GALNT3: variants seen among roughly 807,000 people sequenced by gnomAD.
The protein encoded by GALNT3 is polypeptide N-acetylgalactosaminyltransferase 3.
A neutral mutation model predicts 69.8 loss-of-function variants in GALNT3; 51 were observed. That is an observed-to-expected ratio of 0.73 (90% confidence interval 0.58 to 0.92). The LOEUF is 0.92. GALNT3 is among the 40% of genes least tolerant of loss of function. The probability of loss-of-function intolerance (pLI) is 0.00; values close to 1 mark genes in which losing one functional copy is unlikely to be tolerated. For synonymous variants in GALNT3, 265 were observed against 248.5 expected (o/e 1.07, Z -0.63); for missense variants, 711 against 760.0 (o/e 0.94, Z 0.76).
intron 1 of GALNT3, among the ~76,000 whole-genome samples, chr2:165,780,776 C>T (rs1683089120): frequency 2.0e-5 from 3 of 152,040 alleles, no homozygotes; most frequent in Admixed American, 2.0e-4. Flanking sequence ...CCAAAGAAGT[C>T]TGAGTCCCTG....
At chr2:165,794,569 C>G (rs1207975944), upstream of GALNT3, 1 of 152,402 alleles carries the variant, frequency 6.6e-6, no homozygotes, top group Non-Finnish European at 1.5e-5. Flanking sequence ...TTCCCCCACA[C>G]GGTTCCTCCC....
At chr2:165,781,494 G>T (rs1340194168) in intron 1 of GALNT3, among the ~76,000 whole-genome samples, 2 of 151,752 alleles carry the variant, frequency 1.3e-5, no homozygotes, top group Non-Finnish European at 2.9e-5. Flanking sequence ...TTACTCAAGA[G>T]GCTGAGGTAA....
At chr2:165,760,014 G>T (rs930197521) in intron 4 of GALNT3, among the ~76,000 whole-genome samples, 1 of 152,074 alleles carries the variant, frequency 6.6e-6, no homozygotes, top group Non-Finnish European at 1.5e-5. Context: ...GGTGAAAAAA[G>T]ATTCACTACA....
intron 1 of GALNT3, among the ~76,000 whole-genome samples, chr2:165,787,001 A>G (rs1003731838): frequency 5.3e-5 from 8 of 152,190 alleles, no homozygotes; most frequent in South Asian, 2.1e-4. Context: ...ACTAAAATCT[A>G]TTTTTAAAAA....
intron 4 of GALNT3, among the ~76,000 whole-genome samples, chr2:165,759,860 T>G (rs1573999989): frequency 6.6e-6 from 1 of 152,148 alleles, no homozygotes; most frequent in South Asian, 2.1e-4. Flanking sequence ...GAGCGGGTGG[T>G]AAGAACATCT....
rs1318947197 is a variant in GALNT3, at chr2:165,748,865, AAG to A, written c.1816_1817del (p.Leu606PhefsTer24). 6.2e-6 allele frequency: 10 copies of A among 1,611,342 alleles called. No homozygotes were observed. The highest frequency in any genetic ancestry group is 7.6e-6 in the Non-Finnish European group (9 of 1,178,268). ...AACTTGGATGCTCTCCATTTGCTGA[AAG>A]GCACATTTTTAAGAATGGATTGTAT... ...LLYNPFLKMC[L>X]SANGEHPSLV... On this transcript the variant is annotated frameshift_variant, in exon 11 of 11. Transcript: ENST00000392701. LOFTEE classifies it high-confidence loss of function.
chr2:165,787,000 T>A (rs1468307380), intron 1 of GALNT3, among the ~76,000 whole-genome samples: 1 of 152,232 alleles, frequency 6.6e-6, no homozygotes, highest in Non-Finnish European at 1.5e-5. Context: ...AACTAAAATC[T>A]ATTTTTAAAA....
intron 2 of GALNT3, 109 bp from the exon 3 acceptor site, chr2:165,765,165 A>G: frequency 1.0e-6 from 1 of 1,001,536 alleles, no homozygotes; most frequent in Non-Finnish European, 1.5e-6. Flanking sequence ...CTGAAAAAGG[A>G]TAGTTTTCTT....
intron 3 of GALNT3, among the ~76,000 whole-genome samples, chr2:165,763,878 C>A (rs985474448): frequency 1.3e-5 from 2 of 152,120 alleles, no homozygotes; most frequent in Non-Finnish European, 2.9e-5. Context: ...AGCTGTGTGA[C>A]CTTGGGCAAG....
At chr2:165,782,354 A>G (rs1314912477) in intron 1 of GALNT3, among the ~76,000 whole-genome samples, 1 of 151,116 alleles carries the variant, frequency 6.6e-6, no homozygotes, top group Non-Finnish European at 1.5e-5. Flanking sequence ...AAACACACTA[A>G]CACGATAGCT....
At chr2:165,754,830 C>A (rs1688417310) in intron 8 of GALNT3, 102 bp from the exon 9 acceptor site, 12 of 1,418,796 alleles carry the variant, frequency 8.5e-6, no homozygotes, top group Admixed American at 1.8e-5. Flanking sequence ...AATGTAAAAT[C>A]TCAAAAGCAA....
rs114072850 is a variant in GALNT3 at position 165,791,816 on chromosome 2, A to T, written c.-109+2199T>A. Among the ~76,000 whole-genome samples, 1,448 of 152,338 alleles carry T rather than the reference A, an allele frequency of 9.5e-3. 10 individuals carry two copies. The highest frequency in any genetic ancestry group is 0.021 in the African/African-American group (877 of 41,592). On this transcript the variant is annotated intron_variant, in intron 1 of 10. Transcript: ENST00000392701. ...AACTGACATGGCATCATCAATATGC[A>T]TGCTATTCCACAATGAGAGGAGCAT... is the stretch of plus-strand genomic sequence containing the variant.
intron 1 of GALNT3, among the ~76,000 whole-genome samples, chr2:165,791,721 A>G (rs1210013274): frequency 6.6e-6 from 1 of 152,198 alleles, no homozygotes; most frequent in African/African-American, 2.4e-5. Context: ...AGAAGACTAA[A>G]TAATGTTATC....
chr2:165,785,106 CAT>C (rs1683192328), intron 1 of GALNT3, among the ~76,000 whole-genome samples: 1 of 152,012 alleles, frequency 6.6e-6, no homozygotes, highest in Non-Finnish European at 1.5e-5. Context: ...CTAGAAATCC[CAT>C]AGATACGCTA....
At position 165,754,682 on chromosome 2, in the gene GALNT3, T is replaced by C; in HGVS notation, c.1571A>G (p.Asn524Ser). 5 of 1,613,716 alleles carry C rather than the reference T, an allele frequency of 3.1e-6. No individual in the cohort carries two copies. Among genetic ancestry groups the C allele is most frequent in the Non-Finnish European group, 4.2e-6 (5 of 1,179,814 alleles). The stretch of plus-strand genomic sequence containing the variant: ...CATAATTAATGGTTTGCCTCCTTGA[T>C]TGTTTTCTCCAACATCCAGACATAG... The part of the protein sequence containing the change: ...QPLCLDVGEN[N>S]QGGKPLIMYT... The change falls in exon 9 of 11, where the codon AAT (asparagine) becomes AGT (serine). Residue 524 changes from asparagine to serine, a missense_variant. Asn to Ser is a conservative substitution (Grantham distance 46, BLOSUM62 1). Transcript: ENST00000392701.
intron 7 of GALNT3, among the ~76,000 whole-genome samples, chr2:165,755,328 C>T (rs1040339521): frequency 1.3e-5 from 2 of 152,162 alleles, no homozygotes; most frequent in Admixed American, 6.5e-5. Context: ...GTGCCACAAA[C>T]ATTCCCTACA....
intron 1 of GALNT3, among the ~76,000 whole-genome samples, chr2:165,778,810 G>T (rs1222562700): frequency 6.6e-6 from 1 of 152,200 alleles, no homozygotes; most frequent in Non-Finnish European, 1.5e-5. Flanking sequence ...AATCACAGAG[G>T]TTGTCCCCTG....
chr2:165,764,905 C>T lies in GALNT3; in HGVS notation c.667G>A (p.Val223Met), dbSNP rs1688610771. The change falls in exon 3 of 11, where the codon GTG (valine) becomes ATG (methionine). Residue 223 changes from valine (V) to methionine (M), a missense_variant. By Grantham distance (21) the Val-to-Met change is conservative. Coordinates refer to ENST00000392701, the MANE Select transcript of GALNT3 (RefSeq NM_004482.4). ...PAILLKEIIL[V>M]DDASVDEYLH... The stretch of plus-strand genomic sequence containing the variant: ...TTACCATCTACACTAGCATCATCCA[C>T]CAAAATGATTTCCTTCAGCAGTATT... The T allele has an allele frequency of 1.2e-6, 2 of 1,614,192 alleles. No homozygotes were observed.
rs899383224 is a variant in GALNT3, at chr2:165,775,075, G to A, written c.-108-4267C>T. On this transcript the variant is annotated intron_variant, in intron 1 of 10. Transcript: ENST00000392701. ...TAGCCTTTGTAATTCCAATTTTACT[G>A]ACAGACAGGGAGAGTCAAAGAGATT... is the stretch of plus-strand genomic sequence containing the variant. 5.9e-5 allele frequency among the ~76,000 whole-genome samples: 9 copies of A among 151,914 alleles called. 1 individual carries two copies. The highest frequency in any genetic ancestry group is 1.7e-4 in the African/African-American group (7 of 41,372).
Sources: gnomAD v4.1 joint callset for allele counts (sites outside exome capture counted in the v4.1 genomes callset) on GRCh38, gnomAD v4.1.1 for gene constraint, MANE v1.5 for transcripts, NCBI Gene and HGNC (gene_info 2026-07-23, HGNC 2026-07-21) for gene names.